The following UST variants were observed in gnomAD, a reference collection of about 807,000 sequenced individuals.
The protein encoded by UST is uronyl 2-sulfotransferase.
In UST, 21 loss-of-function variants were observed where a neutral mutation model predicts 45.6. That is an observed-to-expected ratio of 0.46 (90% CI 0.33 to 0.66). The LOEUF (loss-of-function observed/expected upper bound fraction) is 0.66, where lower values mean the gene tolerates loss of function less well. Among genes scored for constraint, UST ranks in the 30% least tolerant of loss-of-function variants. The pLI is 0.02. For synonymous variants in UST, 215 were observed against 200.6 expected, an observed-to-expected ratio of 1.07 and a Z score of -0.61; for missense variants, 463 against 512.4, an observed-to-expected ratio of 0.90 and a Z score of 0.93.
chr6:148,805,844 C>T (rs553105444), intron 1 of UST, among the ~76,000 whole-genome samples: 7 of 152,338 alleles, frequency 4.6e-5, no homozygotes, highest in South Asian at 2.1e-4. Flanking sequence ...AACTTCAAAA[C>T]ATTTTTCACA....
Position 148,915,347 on chromosome 6 carries a change from A to G in UST, c.292-25932A>G, listed in dbSNP as rs567871602. ...CCATATTTTTGCGTGTATGTCTTCC[A>G]TGCTTAAGATTGCCTCATGTTCCAA... is the stretch of plus-strand genomic sequence containing the variant. On this transcript the variant is annotated intron_variant, in intron 2 of 7. Transcript: ENST00000367463. 3.3e-5 allele frequency among the ~76,000 whole-genome samples: 5 copies of G among 152,320 alleles called. No individual in the cohort carries two copies. The East Asian group carries it at 9.6e-4, about 29-fold the overall frequency.
Position 148,861,413 on chromosome 6 carries a change from G to A in UST, c.248-25573G>A, listed in dbSNP as rs535317539. On this transcript the variant is annotated intron_variant, in intron 1 of 7. Transcript: ENST00000367463. Reference sequence around the variant, plus strand: ...TTTCTTCTTTATTAGTCTTGCTAGCGGTCTATCAATTTTGTTGATCTTTTC... The same window carrying A: ...TTTCTTCTTTATTAGTCTTGCTAGCAGTCTATCAATTTTGTTGATCTTTTC... Among the ~76,000 whole-genome samples, 458 of 151,856 alleles carry A rather than the reference G, an allele frequency of 3.0e-3. 3 individuals carry two copies. Among genetic ancestry groups the A allele is most frequent in the African/African-American group, 9.5e-3 (395 of 41,396 alleles).
chr6:148,975,954 C>T (rs561241687), intron 5 of UST, among the ~76,000 whole-genome samples: 22 of 152,116 alleles, frequency 1.4e-4, no homozygotes, highest in Non-Finnish European at 2.1e-4. Context: ...GATAATTTAA[C>T]AGTTTATTTC....
intron 1 of UST, among the ~76,000 whole-genome samples, chr6:148,843,553 T>C (rs1777926594): frequency 6.6e-6 from 1 of 152,198 alleles, no homozygotes; most frequent in Admixed American, 6.5e-5. Flanking sequence ...AGTTGTCTCA[T>C]TTAATCATGA....
intron 7 of UST, among the ~76,000 whole-genome samples, chr6:149,056,530 A>G (rs1776568898): frequency 6.6e-6 from 1 of 152,216 alleles, no homozygotes; most frequent in Non-Finnish European, 1.5e-5. Context: ...TGGGCCTCCT[A>G]TACAAATGGG....
intron 1 of UST, among the ~76,000 whole-genome samples, chr6:148,843,893 C>G (rs1777933742): frequency 6.6e-6 from 1 of 152,194 alleles, no homozygotes; most frequent in African/African-American, 2.4e-5. Context: ...AGAGCACATA[C>G]TTAATGAATA....
chr6:148,822,953 A>C (rs1163865578), intron 1 of UST, among the ~76,000 whole-genome samples: 2 of 152,254 alleles, frequency 1.3e-5, no homozygotes, highest in African/African-American at 4.8e-5. Flanking sequence ...ATGTATTTAC[A>C]GCTCTTACTT....
At chr6:148,945,833 C>T (rs1780224117) in intron 3 of UST, among the ~76,000 whole-genome samples, 1 of 152,134 alleles carries the variant, frequency 6.6e-6, no homozygotes, top group South Asian at 2.1e-4. Flanking sequence ...CTGTGAAATA[C>T]TAGGCAAGTC....
In UST at chr6:148,895,033, G is replaced by A. The variant is rs772759562; in HGVS notation, c.291+8004G>A. 2.0e-5 allele frequency among the ~76,000 whole-genome samples: 3 copies of A among 151,950 alleles called. No individual in the cohort carries two copies. The East Asian group carries it at 5.8e-4, about 29-fold the overall frequency. On this transcript the variant is annotated intron_variant, in intron 2 of 7. Coordinates refer to ENST00000367463, the MANE Select transcript of UST (RefSeq NM_005715.3). ...GGGTTTCACCATGTTGGCCAGGATG[G>A]TCTCGATCTCTTGACCTTGTGATCC... is the stretch of plus-strand genomic sequence containing the variant.
At chr6:148,855,669 C>G (rs1778190260) in intron 1 of UST, among the ~76,000 whole-genome samples, 1 of 152,230 alleles carries the variant, frequency 6.6e-6, no homozygotes, top group Non-Finnish European at 1.5e-5. Flanking sequence ...TTTCCATGCA[C>G]TTGCACACAG....
chr6:148,933,790 A>G (rs1473050531), intron 2 of UST, among the ~76,000 whole-genome samples: 1 of 152,182 alleles, frequency 6.6e-6, no homozygotes, highest in African/African-American at 2.4e-5. Flanking sequence ...GGAAGCTTGA[A>G]ATGATTAAAA....
chr6:148,864,868 A>G (rs1370938382), intron 1 of UST, among the ~76,000 whole-genome samples: 1 of 152,236 alleles, frequency 6.6e-6, no homozygotes, highest in Non-Finnish European at 1.5e-5. Context: ...TCAGTACACA[A>G]TGCTCAGTAT....
At chr6:148,859,640 G>A (rs1778269399) in intron 1 of UST, among the ~76,000 whole-genome samples, 1 of 152,202 alleles carries the variant, frequency 6.6e-6, no homozygotes, top group Non-Finnish European at 1.5e-5. Flanking sequence ...TAACATTTAA[G>A]TCTTTAATCC....
intron 7 of UST, among the ~76,000 whole-genome samples, chr6:149,029,866 T>TTGTGTGTGTG (rs3074362): frequency 2.1e-4 from 29 of 140,798 alleles, no homozygotes; most frequent in African/African-American, 5.1e-4. Context: ...GCACTGGATC[T>TTGTGTGTGTG]TGTGTGTGTG....
At chr6:148,810,052 T>G (rs1414032521) in intron 1 of UST, among the ~76,000 whole-genome samples, 3 of 152,176 alleles carry the variant, frequency 2.0e-5, no homozygotes, top group Non-Finnish European at 4.4e-5. Flanking sequence ...CATTTTAAAA[T>G]GCATTGCCAA....
rs1776805025 is a variant in UST at position 149,070,586 on chromosome 6, G to A, written c.938-3247G>A. Among the ~76,000 whole-genome samples the A allele has an allele frequency of 1.3e-5, 2 of 152,166 alleles. 1 individual carries two copies. The highest frequency in any genetic ancestry group is 4.1e-4 in the South Asian group (2 of 4,834). On this transcript the variant is annotated intron_variant, in intron 7 of 7. Coordinates refer to ENST00000367463, the MANE Select transcript of UST (RefSeq NM_005715.3). ...AGTAATACCCTTATTCAATGAGGCT[G>A]TTGGCCACATAGAGAATTTATTTAT...
At chr6:148,930,999 G>A (rs1779911449) in intron 2 of UST, among the ~76,000 whole-genome samples, 1 of 152,226 alleles carries the variant, frequency 6.6e-6, no homozygotes, top group Admixed American at 6.5e-5. Context: ...GTGCTTTGAT[G>A]AGAGAGGAGT....
chr6:148,952,536 C>T (rs1389520454), intron 3 of UST, among the ~76,000 whole-genome samples: 3 of 152,154 alleles, frequency 2.0e-5, no homozygotes, highest in East Asian at 1.9e-4. Context: ...ATCTATAAAG[C>T]GTGTACTAGT....
At chr6:148,954,072 A>AT in intron 4 of UST, 121 bp downstream of exon 4, 1 of 683,398 alleles carries the variant, frequency 1.5e-6, no homozygotes, top group Non-Finnish European at 2.3e-6. Flanking sequence ...TAATCCGTTT[A>AT]TTTTTGCTAC....
Sources: allele counts gnomAD v4.1 joint callset (sites outside exome capture counted in the v4.1 genomes callset), GRCh38; gene constraint gnomAD v4.1.1; transcripts MANE v1.5; gene names NCBI Gene and HGNC (gene_info 2026-07-23, HGNC 2026-07-21).